THRB: variants seen among roughly 807,000 people sequenced by gnomAD.
The protein encoded by THRB is nuclear receptor subfamily 1 group A member 2.
THRB carries 12 observed loss-of-function variants against 47.8 expected under a neutral mutation model. The observed-to-expected ratio is 0.25, with a 90% CI of 0.16 to 0.41. THRB has a LOEUF of 0.41. THRB is among the 10% of genes least tolerant of loss of function. The pLI, the probability that THRB is intolerant of heterozygous loss-of-function variation, is 1.00. For missense variants in THRB, 348 were observed against 589.2 expected, an observed-to-expected ratio of 0.59 and a Z score of 4.24; for synonymous variants, 218 against 212.2, an observed-to-expected ratio of 1.03 and a Z score of -0.24.
intron 1 of THRB, among the ~76,000 whole-genome samples, chr3:24,379,403 A>C (rs2065529065): frequency 6.6e-6 from 1 of 152,166 alleles, no homozygotes; most frequent in Non-Finnish European, 1.5e-5. Context: ...TCTTGAGACG[A>C]ACATTGTCTG....
intron 1 of THRB, among the ~76,000 whole-genome samples, chr3:24,379,551 G>A (rs2065540828): frequency 6.6e-6 from 1 of 152,072 alleles, no homozygotes; most frequent in African/African-American, 2.4e-5. Context: ...CCCCCTTTTA[G>A]GAGTGGAAGG....
At chr3:24,356,297 G>C (rs915952941) in intron 1 of THRB, among the ~76,000 whole-genome samples, 1 of 152,122 alleles carries the variant, frequency 6.6e-6, no homozygotes, top group African/African-American at 2.4e-5. Flanking sequence ...CCGCCTCAAA[G>C]GTTCCACCGG....
intron 3 of THRB, among the ~76,000 whole-genome samples, chr3:24,272,004 T>C (rs1254120518): frequency 6.6e-6 from 1 of 152,192 alleles, no homozygotes; most frequent in East Asian, 1.9e-4. Flanking sequence ...TCATTAATAA[T>C]TTAGCTCCAT....
rs141523692 is a variant in THRB, at chr3:24,442,274, T to A, written c.-261+52378A>T. Among the ~76,000 whole-genome samples, 354 of 152,346 alleles carry A rather than the reference T, an allele frequency of 2.3e-3. 5 individuals carry two copies. The highest frequency in any genetic ancestry group is 0.017 in the Admixed American group (253 of 15,302). On this transcript the variant is annotated intron_variant, in intron 1 of 10. Transcript: ENST00000646209. Reference sequence around the variant, plus strand: ...ACTTATTATATGCCAGGCAAGGCACTGATCTCAGAGCTTCATATCCTCACA... The same window carrying A: ...ACTTATTATATGCCAGGCAAGGCACAGATCTCAGAGCTTCATATCCTCACA...
chr3:24,231,655 A>G (rs2048275962), intron 3 of THRB, among the ~76,000 whole-genome samples: 1 of 152,076 alleles, frequency 6.6e-6, no homozygotes, highest in Admixed American at 6.6e-5. Flanking sequence ...TAGAGTTTTC[A>G]ATGTAATTCC....
intron 4 of THRB, among the ~76,000 whole-genome samples, chr3:24,200,390 G>A (rs1464133466): frequency 6.6e-6 from 1 of 151,902 alleles, no homozygotes; most frequent in Non-Finnish European, 1.5e-5. Flanking sequence ...TATGATTTGT[G>A]GACAAAAATC....
In THRB at chr3:24,453,356, C is replaced by T. The variant is rs148045933; in HGVS notation, c.-261+41296G>A. Among the ~76,000 whole-genome samples, 1,410 of 152,280 alleles carry T rather than the reference C, an allele frequency of 9.3e-3. 17 individuals are homozygous for T. Among genetic ancestry groups the T allele is most frequent in the African/African-American group, 0.032 (1,321 of 41,544 alleles). ...ATAGGAAAATTAATTTGCCCAAGGT[C>T]ATACAGCTAGTAAGAGAGGAAGTTA... On this transcript the variant is annotated intron_variant, in intron 1 of 10. Transcript: ENST00000646209.
In THRB at chr3:24,152,493, G is replaced by C; in HGVS notation, c.284-3C>G. 6.8e-7 allele frequency: 1 copy of C among 1,472,692 alleles called. No individual in the cohort carries two copies. Among genetic ancestry groups the C allele is most frequent in the South Asian group, 1.1e-5 (1 of 88,266 alleles). The allele number at this position is 1,472,692 out of a possible 1,614,324, so 91.2% of individuals were successfully genotyped here. A position where few individuals can be genotyped will look rare whatever the true frequency, so the allele number is the denominator to read the frequency against. Reference sequence around the variant, plus strand: ...GTCTAAGTAACTGGGGATGTACCCTGTGAAGGAAATAAAAGAAGGAATATT... The same window carrying C: ...GTCTAAGTAACTGGGGATGTACCCTCTGAAGGAAATAAAAGAAGGAATATT... On this transcript the variant is annotated splice_polypyrimidine_tract_variant and splice_region_variant and intron_variant, in intron 5 of 10. Coordinates refer to ENST00000646209, the MANE Select transcript of THRB (RefSeq NM_001354712.2).
chr3:24,165,860 T>C (rs953012625), intron 5 of THRB, among the ~76,000 whole-genome samples: 10 of 152,206 alleles, frequency 6.6e-5, no homozygotes, highest in Non-Finnish European at 1.3e-4. Flanking sequence ...TAAAGACATC[T>C]TAGAGAATAT....
At chr3:24,269,370 AGCT>A (rs1267733941) in intron 3 of THRB, among the ~76,000 whole-genome samples, 2 of 139,406 alleles carry the variant, frequency 1.4e-5, no homozygotes, top group African/African-American at 5.5e-5. Flanking sequence ...ACACCATCAT[AGCT>A]CATCATAGCT....
intron 1 of THRB, among the ~76,000 whole-genome samples, chr3:24,341,125 T>A (rs2062613824): frequency 2.5e-5 from 2 of 79,984 alleles, no homozygotes; most frequent in African/African-American, 1.4e-4. Flanking sequence ...CAATATCTAT[T>A]TTTTTTTTTC....
chr3:24,164,304 C>A (rs946794739), intron 5 of THRB, among the ~76,000 whole-genome samples: 4 of 152,096 alleles, frequency 2.6e-5, no homozygotes, highest in Non-Finnish European at 5.9e-5. Flanking sequence ...AAATGGATAT[C>A]GTACTGGTTT....
At chr3:24,493,977 C>T (rs1308505714) in intron 1 of THRB, 1 of 152,268 alleles carries the variant, frequency 6.6e-6, no homozygotes, top group East Asian at 1.9e-4. Context: ...TCACAACCAA[C>T]TCGAGGAGAC....
chr3:24,198,715 A>T (rs975590425), intron 4 of THRB, among the ~76,000 whole-genome samples: 4 of 152,098 alleles, frequency 2.6e-5, no homozygotes, highest in South Asian at 4.2e-4. Flanking sequence ...ATCATTTCTG[A>T]GCTCTTGTTG....
At chr3:24,257,307 TTCTAC>T (rs1353069389) in intron 3 of THRB, among the ~76,000 whole-genome samples, 8 of 152,134 alleles carry the variant, frequency 5.3e-5, no homozygotes, top group Admixed American at 2.0e-4. Context: ...CATTAAATAA[TTCTAC>T]TCTGGGAACC....
At chr3:24,128,594 G>A (rs2033305343) in intron 9 of THRB, among the ~76,000 whole-genome samples, 1 of 152,224 alleles carries the variant, frequency 6.6e-6, no homozygotes, top group South Asian at 2.1e-4. Flanking sequence ...ATTATCAAAG[G>A]AGTTTGGAAA....
rs567547580 is a variant in THRB, at chr3:24,163,209, G to A, written c.284-10719C>T. 1.1e-4 allele frequency among the ~76,000 whole-genome samples: 16 copies of A among 152,310 alleles called. No individual in the cohort carries two copies. In the South Asian group the frequency reaches 2.9e-3, roughly 28 times the overall value. On this transcript the variant is annotated intron_variant, in intron 5 of 10. Coordinates refer to ENST00000646209, the MANE Select transcript of THRB (RefSeq NM_001354712.2). ...GGTTTAGTTTTACTGGGATTTACTC[G>A]AAGACTTGTAAAAGTAAATAATGGT... is the stretch of plus-strand genomic sequence containing the variant.
chr3:24,321,573 C>T (rs986305271), intron 2 of THRB, among the ~76,000 whole-genome samples: 2 of 151,750 alleles, frequency 1.3e-5, no homozygotes, highest in African/African-American at 4.8e-5. Flanking sequence ...GGGTCTAAGA[C>T]GGGCTTCTAA....
At position 24,120,408 on chromosome 3, in the gene THRB, A is replaced by C. The variant is rs964378565; in HGVS notation, c.*2476T>G. 3 of 152,230 alleles carry C rather than the reference A, an allele frequency of 2.0e-5. No individual in the cohort carries two copies. Among genetic ancestry groups the C allele is most frequent in the African/African-American group, 7.2e-5 (3 of 41,450 alleles). The allele number at this position is 152,230 out of a possible 1,614,324, so 9.4% of individuals were successfully genotyped here. A position where few individuals can be genotyped will look rare whatever the true frequency, so the allele number is the denominator to read the frequency against. ...ATTTGGCCAATTCTCGATCATGGTT[A>C]GTCCCCAAAGCATTCTGATTTAGCT... is the stretch of plus-strand genomic sequence containing the variant. On this transcript the variant is annotated 3_prime_UTR_variant, in exon 11 of 11. Coordinates refer to ENST00000646209, the MANE Select transcript of THRB (RefSeq NM_001354712.2).
Sources: gnomAD v4.1 joint callset for allele counts (sites outside exome capture counted in the v4.1 genomes callset) on GRCh38, gnomAD v4.1.1 for gene constraint, MANE v1.5 for transcripts, NCBI Gene and HGNC (gene_info 2026-07-23, HGNC 2026-07-21) for gene names.